Variants in CA10 observed in about 807,000 individuals in gnomAD.
CA10 encodes the protein carbonic anhydrase-related protein 10.
CA10 carries 14 observed loss-of-function variants against 44.2 expected under a neutral mutation model. That is an observed-to-expected ratio of 0.32 (90% CI 0.21 to 0.50). The LOEUF (loss-of-function observed/expected upper bound fraction) is 0.50. Among genes scored for constraint, CA10 ranks in the 20% least tolerant of loss-of-function variants. The pLI, the probability that CA10 is intolerant of heterozygous loss-of-function variation, is 0.99. For missense variants in CA10, 350 were observed against 409.7 expected, an observed-to-expected ratio of 0.85 and a Z score of 1.26; for synonymous variants, 159 against 141.6, an observed-to-expected ratio of 1.12 and a Z score of -0.87.
chr17:51,930,570 TG>T (rs1390281482), intron 3 of CA10, among the ~76,000 whole-genome samples: 12 of 33,378 alleles, frequency 3.6e-4, no homozygotes, highest in African/African-American at 1.2e-3. Flanking sequence ...GATTTTTGTC[TG>T]TTTTTTTCCT....
At chr17:52,086,028 C>T (rs890161839) in intron 1 of CA10, among the ~76,000 whole-genome samples, 8 of 152,136 alleles carry the variant, frequency 5.3e-5, no homozygotes, top group South Asian at 4.2e-4. Flanking sequence ...CAGTCCAATT[C>T]GATATGATTC....
chr17:51,835,477 T>C (rs1859487177), intron 3 of CA10, among the ~76,000 whole-genome samples: 1 of 152,238 alleles, frequency 6.6e-6, no homozygotes, highest in Admixed American at 6.5e-5. Flanking sequence ...GCCACTGCCA[T>C]TCAGCAATCA....
chr17:51,772,537 T>C (rs1380723266), intron 3 of CA10, among the ~76,000 whole-genome samples: 1 of 151,994 alleles, frequency 6.6e-6, no homozygotes, highest in Non-Finnish European at 1.5e-5. Flanking sequence ...CCTGGAGGAA[T>C]TTCCAAATGG....
rs147889345 is a variant in CA10, at chr17:52,025,904, T to C, written c.136+46415A>G. 3.1e-3 allele frequency among the ~76,000 whole-genome samples: 471 copies of C among 152,210 alleles called. 5 individuals carry two copies. The highest frequency in any genetic ancestry group is 0.022 in the South Asian group (108 of 4,818). Reference sequence around the variant, plus strand: ...AGGAAATAAACTTGTCCAGGATGTATTTCTATGCTTTTTTATGTACAAAGA... The same window carrying C: ...AGGAAATAAACTTGTCCAGGATGTACTTCTATGCTTTTTTATGTACAAAGA... On this transcript the variant is annotated intron_variant, in intron 2 of 8. Coordinates refer to ENST00000451037, the MANE Select transcript of CA10 (RefSeq NM_020178.5).
intron 3 of CA10, among the ~76,000 whole-genome samples, chr17:51,894,511 C>T (rs11870623): frequency 0.018 from 2,748 of 152,164 alleles, 45 homozygotes; most frequent in South Asian, 0.063. Context: ...GCCAGGGCTT[C>T]TGTCTTAAGA....
At chr17:52,141,984 T>C (rs1276147149) in intron 1 of CA10, among the ~76,000 whole-genome samples, 1 of 152,078 alleles carries the variant, frequency 6.6e-6, no homozygotes, top group Non-Finnish European at 1.5e-5. Flanking sequence ...CGATGGGGCA[T>C]TATGGGGAGA....
intron 3 of CA10, among the ~76,000 whole-genome samples, chr17:51,926,090 A>G (rs1045511799): frequency 6.6e-5 from 10 of 152,156 alleles, no homozygotes. Context: ...TAAAGAAAAA[A>G]TGGCTGTCAA....
At chr17:51,678,090 T>C (rs921949532) in intron 4 of CA10, among the ~76,000 whole-genome samples, 1 of 152,152 alleles carries the variant, frequency 6.6e-6, no homozygotes, top group Non-Finnish European at 1.5e-5. Flanking sequence ...CATGCTACAA[T>C]GTGGATGAAC....
intron 4 of CA10, among the ~76,000 whole-genome samples, chr17:51,717,305 A>G (rs1035292259): frequency 2.7e-5 from 4 of 150,334 alleles, no homozygotes; most frequent in Non-Finnish European, 4.4e-5. Flanking sequence ...TAATGAGATG[A>G]CTCTTGGTGG....
At chr17:51,745,847 C>CA (rs1048422210) in intron 4 of CA10, among the ~76,000 whole-genome samples, 21 of 151,984 alleles carry the variant, frequency 1.4e-4, no homozygotes, top group Non-Finnish European at 2.9e-4. Context: ...TAACAGCAAA[C>CA]AAAAAAATGA....
chr17:51,974,508 A>G (rs1984394346), intron 2 of CA10, among the ~76,000 whole-genome samples: 1 of 151,980 alleles, frequency 6.6e-6, no homozygotes, highest in Non-Finnish European at 1.5e-5. Context: ...AAACAAAACA[A>G]AAAACTGTAA....
chr17:51,892,000 A>AG (rs1449309635), intron 3 of CA10, among the ~76,000 whole-genome samples: 1 of 152,238 alleles, frequency 6.6e-6, no homozygotes. Context: ...CCCAGGGAAA[A>AG]GGTAACTATG....
At chr17:52,053,694 T>A (rs923482292) in intron 2 of CA10, among the ~76,000 whole-genome samples, 2 of 152,064 alleles carry the variant, frequency 1.3e-5, no homozygotes, top group Non-Finnish European at 2.9e-5. Flanking sequence ...AGGATACATG[T>A]TGCGGGAAGT....
At chr17:52,088,654 C>A (rs1272511060) in intron 1 of CA10, among the ~76,000 whole-genome samples, 1 of 152,148 alleles carries the variant, frequency 6.6e-6, no homozygotes, top group East Asian at 1.9e-4. Context: ...GTTAATCTTT[C>A]AAGGAACAAA....
At chr17:52,070,684 T>A (rs528091175) in intron 2 of CA10, among the ~76,000 whole-genome samples, 33 of 152,306 alleles carry the variant, frequency 2.2e-4, no homozygotes, top group African/African-American at 7.7e-4. Context: ...TATATCAACA[T>A]GTAAGGGGAC....
intron 1 of CA10, among the ~76,000 whole-genome samples, chr17:52,119,252 T>C (rs1988961712): frequency 6.6e-6 from 1 of 151,010 alleles, no homozygotes; most frequent in Non-Finnish European, 1.5e-5. Flanking sequence ...ATTCATGACT[T>C]ATGGCAAAGT....
chr17:51,974,400 A>C (rs962829516), intron 2 of CA10, among the ~76,000 whole-genome samples: 4 of 11,556 alleles, frequency 3.5e-4, no homozygotes, highest in Non-Finnish European at 5.8e-4. Context: ...AAAAAAAAAC[A>C]AAAACAAAAG....
intron 4 of CA10, among the ~76,000 whole-genome samples, chr17:51,742,702 T>TC (rs1349487222): frequency 6.6e-6 from 1 of 152,174 alleles, no homozygotes; most frequent in Non-Finnish European, 1.5e-5. Context: ...ACTTTAATTC[T>TC]CCCCTTTTAA....
At chr17:51,899,411 A>G (rs965646627) in intron 3 of CA10, among the ~76,000 whole-genome samples, 2 of 152,048 alleles carry the variant, frequency 1.3e-5, no homozygotes, top group Admixed American at 6.6e-5. Flanking sequence ...GCACTGGGGT[A>G]TGAGAGTGTG....
Sources: allele counts gnomAD v4.1 joint callset (sites outside exome capture counted in the v4.1 genomes callset), GRCh38; gene constraint gnomAD v4.1.1; transcripts MANE v1.5; gene names NCBI Gene and HGNC (gene_info 2026-07-23, HGNC 2026-07-21).